Variants in ARHGAP12 observed in about 807,000 individuals in gnomAD.
The protein encoded by ARHGAP12 is Rho GTPase activating protein 12, also known as rho GTPase-activating protein 12.
A neutral mutation model predicts 108.6 loss-of-function variants in ARHGAP12; 64 were observed. The ratio of observed to expected loss-of-function variants is 0.59; its 90% CI spans 0.48 to 0.73. The LOEUF (loss-of-function observed/expected upper bound fraction) is 0.73, where lower values mean the gene tolerates loss of function less well. ARHGAP12 is among the 30% of genes least tolerant of loss of function. The pLI is 0.00. For missense variants in ARHGAP12, 940 were observed against 1,005.9 expected, an observed-to-expected ratio of 0.93 and a Z score of 0.89; for synonymous variants, 312 against 337.2, an observed-to-expected ratio of 0.93 and a Z score of 0.82.
intron 13 of ARHGAP12, among the ~76,000 whole-genome samples, chr10:31,816,168 CGT>C (rs201754040): frequency 0.073 from 9,924 of 136,310 alleles, 448 homozygotes; most frequent in African/African-American, 0.14. Context: ...AAGAAAGAAA[CGT>C]GTGTGTGTGT....
rs181188083 is a variant in ARHGAP12 at position 31,846,535 on chromosome 10, C to A, written c.1171-2949G>T. 2.9e-3 allele frequency among the ~76,000 whole-genome samples: 437 copies of A among 152,290 alleles called. 11 individuals carry two copies. Among genetic ancestry groups the A allele is most frequent in the Admixed American group, 0.022 (339 of 15,284 alleles). On this transcript the variant is annotated intron_variant, in intron 6 of 19. Coordinates refer to ENST00000344936, the MANE Select transcript of ARHGAP12 (RefSeq NM_018287.7). ...CTTCTAGCATTTGAAAAATGTTATG[C>A]CACTTCTTTCTGGCTTCCATGGCTT... is the stretch of plus-strand genomic sequence containing the variant.
At chr10:31,866,491 C>A (rs1837327198) in intron 3 of ARHGAP12, among the ~76,000 whole-genome samples, 1 of 151,816 alleles carries the variant, frequency 6.6e-6, no homozygotes, top group Non-Finnish European at 1.5e-5. Context: ...GGAATCAGCC[C>A]AGCAAGGGGA....
At chr10:31,886,189 G>T (rs746820042) in intron 3 of ARHGAP12, among the ~76,000 whole-genome samples, 1 of 152,142 alleles carries the variant, frequency 6.6e-6, no homozygotes, top group African/African-American at 2.4e-5. Flanking sequence ...CACATCTGTT[G>T]TTTTTGTTGA....
chr10:31,888,823 G>A (rs1223290433), intron 3 of ARHGAP12, among the ~76,000 whole-genome samples: 1 of 152,180 alleles, frequency 6.6e-6, no homozygotes, highest in Non-Finnish European at 1.5e-5. Flanking sequence ...AAGAAAAAGA[G>A]AGATTAATTT....
intron 1 of ARHGAP12, among the ~76,000 whole-genome samples, chr10:31,924,829 T>C (rs1839964616): frequency 6.6e-6 from 1 of 152,102 alleles, no homozygotes; most frequent in Non-Finnish European, 1.5e-5. Flanking sequence ...TTAACTTGCC[T>C]GTAAAACAAA....
intron 15 of ARHGAP12, 64 bp downstream of exon 15, chr10:31,812,643 T>G (rs922677799): frequency 3.4e-5 from 35 of 1,044,150 alleles, no homozygotes; most frequent in Non-Finnish European, 4.6e-5. Context: ...GTTTTTAATT[T>G]GAAACATTTT....
chr10:31,899,459 G>A (rs1838836652), intron 3 of ARHGAP12, among the ~76,000 whole-genome samples: 1 of 152,170 alleles, frequency 6.6e-6, no homozygotes, highest in Non-Finnish European at 1.5e-5. Context: ...CAAGTAGGAA[G>A]ACACATATTA....
Position 31,849,777 on chromosome 10 carries a change from C to T in ARHGAP12, c.1170+2740G>A, listed in dbSNP as rs74127854. The stretch of plus-strand genomic sequence containing the variant: ...AAATAGTATCACAAAACTGAGGATT[C>T]AACGCTGGTCACAATCAGTACCCAT... On this transcript the variant is annotated intron_variant, in intron 6 of 19. Transcript: ENST00000344936. 3.5e-3 allele frequency among the ~76,000 whole-genome samples: 529 copies of T among 152,298 alleles called. 2 individuals are homozygous for T. The highest frequency in any genetic ancestry group is 0.012 in the African/African-American group (516 of 41,572).
At chr10:31,918,315 T>TCTCA (rs972213539) in intron 1 of ARHGAP12, among the ~76,000 whole-genome samples, 1 of 139,968 alleles carries the variant, frequency 7.1e-6, no homozygotes, top group African/African-American at 2.7e-5. Context: ...ATTAGGGAAA[T>TCTCA]CACACACACA....
chr10:31,816,675 C>T (rs1166554163), intron 13 of ARHGAP12, among the ~76,000 whole-genome samples: 2 of 152,072 alleles, frequency 1.3e-5, no homozygotes, highest in African/African-American at 4.8e-5. Flanking sequence ...AGTTTCTGAG[C>T]AGTAGGGGAT....
chr10:31,842,087 G>A (rs748928281), intron 7 of ARHGAP12, among the ~76,000 whole-genome samples: 1 of 151,976 alleles, frequency 6.6e-6, no homozygotes, highest in Admixed American at 6.6e-5. Flanking sequence ...TGAATTGAGA[G>A]ATTAAAAAGG....
intron 3 of ARHGAP12, among the ~76,000 whole-genome samples, chr10:31,865,241 G>A (rs1228215866): frequency 1.3e-5 from 2 of 152,152 alleles, no homozygotes; most frequent in African/African-American, 4.8e-5. Flanking sequence ...AGATTTTAGA[G>A]AGACGCAACT....
chr10:31,861,345 T>C (rs1345556934), intron 4 of ARHGAP12, 50 bp downstream of exon 4: 3 of 1,543,632 alleles, frequency 1.9e-6, no homozygotes, highest in East Asian at 2.3e-5. Flanking sequence ...TTCTGAATAA[T>C]GAAAAGAGAA....
chr10:31,915,610 A>G (rs930378748), intron 1 of ARHGAP12, among the ~76,000 whole-genome samples: 3 of 152,204 alleles, frequency 2.0e-5, no homozygotes, highest in Non-Finnish European at 4.4e-5. Context: ...CACTAAAATG[A>G]TAACTATGTG....
At chr10:31,809,615 G>A (rs1210151732) in intron 16 of ARHGAP12, 1 of 220,384 alleles carries the variant, frequency 4.5e-6, no homozygotes, top group Non-Finnish European at 9.1e-6. Context: ...GAAAACATCT[G>A]GGGATAATTC....
At chr10:31,846,512 T>C (rs1592282607) in intron 6 of ARHGAP12, among the ~76,000 whole-genome samples, 1 of 152,226 alleles carries the variant, frequency 6.6e-6, no homozygotes, top group Admixed American at 6.5e-5. Flanking sequence ...GTTCTTTTCT[T>C]CTAGCATTTG....
At chr10:31,832,073 G>C (rs1427975644) in intron 9 of ARHGAP12, among the ~76,000 whole-genome samples, 2 of 151,944 alleles carry the variant, frequency 1.3e-5, no homozygotes, top group Non-Finnish European at 1.5e-5. Context: ...ATTTCCATAT[G>C]AACAAAGCAG....
rs757650342 is a variant in ARHGAP12 at position 31,807,627 on chromosome 10, C to T, written c.*31G>A. 1 of 1,561,656 alleles carries T rather than the reference C, an allele frequency of 6.4e-7. No homozygotes were observed. Among genetic ancestry groups the T allele is most frequent in the East Asian group, 2.3e-5 (1 of 43,536 alleles). On this transcript the variant is annotated 3_prime_UTR_variant, in exon 20 of 20. Transcript: ENST00000344936. ...ACATTTGAAATCTGATGGAATCCAG[C>T]TTCTATTCCACAGGTTGTCTTCAGT... is the stretch of plus-strand genomic sequence containing the variant.
At chr10:31,809,476 G>C (rs1030785578) in intron 16 of ARHGAP12, 169 bp from the exon 17 acceptor site, 6 of 608,872 alleles carry the variant, frequency 9.9e-6, no homozygotes, top group Non-Finnish European at 1.5e-5. Flanking sequence ...GCAGGGGAGA[G>C]AGATGGAGAT....
Sources: allele counts gnomAD v4.1 joint callset (sites outside exome capture counted in the v4.1 genomes callset), GRCh38; gene constraint gnomAD v4.1.1; transcripts MANE v1.5; gene names NCBI Gene and HGNC (gene_info 2026-07-23, HGNC 2026-07-21).